Variants in PCDHGB5 observed in about 807,000 individuals in gnomAD.
PCDHGB5 encodes the protein protocadherin gamma-B5.
In PCDHGB5, 48 loss-of-function variants were observed where a neutral mutation model predicts 62.9. That is an observed-to-expected ratio of 0.76 (90% confidence interval 0.61 to 0.97). PCDHGB5 has a LOEUF of 0.97. Among genes scored for constraint, PCDHGB5 ranks in the 50% least tolerant of loss-of-function variants. The pLI, the probability that PCDHGB5 is intolerant of heterozygous loss-of-function variation, is 0.00. For missense variants in PCDHGB5, 1,118 were observed against 1,198.6 expected, an observed-to-expected ratio of 0.93 and a Z score of 0.99; for synonymous variants, 474 against 511.2, an observed-to-expected ratio of 0.93 and a Z score of 0.98.
chr5:141,414,371 A>G (rs1447111430), intron 1 of PCDHGB5: 1 of 1,613,954 alleles, frequency 6.2e-7, no homozygotes, highest in South Asian at 1.1e-5. Flanking sequence ...TTTAAATTAG[A>G]AAAGTCCATT....
intron 1 of PCDHGB5, among the ~76,000 whole-genome samples, chr5:141,425,471 T>A (rs2096877403): frequency 6.6e-6 from 1 of 152,218 alleles, no homozygotes; most frequent in African/African-American, 2.4e-5. Flanking sequence ...TGTTATTAAT[T>A]CCTATGGCAA....
At chr5:141,508,732 C>A (rs1037039751) in intron 3 of PCDHGB5, among the ~76,000 whole-genome samples, 3 of 151,880 alleles carry the variant, frequency 2.0e-5, no homozygotes, top group Non-Finnish European at 4.4e-5. Flanking sequence ...GGAGACTACA[C>A]CCCCCACCCC....
At chr5:141,414,414 C>T (rs376404716) in intron 1 of PCDHGB5, 4 of 1,613,830 alleles carry the variant, frequency 2.5e-6, no homozygotes, top group South Asian at 1.1e-5. Context: ...TACACAGAGC[C>T]CTTGACAGGG....
chr5:141,398,747 AC>A lies in PCDHGB5; in HGVS notation c.622del (p.His208IlefsTer3). On this transcript the variant is annotated frameshift_variant, in exon 1 of 4. Transcript: ENST00000617380. LOFTEE classifies it high-confidence loss of function. ...EKTLDREQQS[Y>X]HRLVLTALDG... ...ACCTTAGACCGGGAACAACAGAGTT[AC>A]CATCGTTTAGTCCTGACTGCCTTGG... 6.2e-7 allele frequency: 1 copy of A among 1,613,496 alleles called. No individual in the cohort carries two copies. Among genetic ancestry groups the A allele is most frequent in the Middle Eastern group, 1.6e-4 (1 of 6,062 alleles).
chr5:141,433,236 C>G, intron 1 of PCDHGB5: 2 of 1,501,160 alleles, frequency 1.3e-6, no homozygotes, highest in South Asian at 1.3e-5. Flanking sequence ...CTCTGTCTCC[C>G]AAGCTGGAAT....
intron 1 of PCDHGB5, chr5:141,428,402 G>T (rs899477196): frequency 1.7e-5 from 8 of 479,776 alleles, no homozygotes; most frequent in African/African-American, 1.4e-4. Flanking sequence ...TCTGCCTGGG[G>T]TTGCTTTCAC....
chr5:141,413,180 C>CCGCTCAAAGGAAT (rs760676891), intron 1 of PCDHGB5: 75 of 1,602,494 alleles, frequency 4.7e-5, no homozygotes, highest in Non-Finnish European at 6.1e-5. Flanking sequence ...ACTACAATGG[C>CCGCTCAAAGGAAT]CGCTCAAAGG....
chr5:141,428,288 A>G (rs1413902705), intron 1 of PCDHGB5: 1 of 728,846 alleles, frequency 1.4e-6, no homozygotes, highest in Middle Eastern at 2.3e-4. Flanking sequence ...TCCCAAGCAA[A>G]GCTGCAGATT....
chr5:141,431,320 C>T lies in PCDHGB5; in HGVS notation c.2397+30796C>T. On this transcript the variant is annotated intron_variant, in intron 1 of 3. Coordinates refer to ENST00000617380, the MANE Select transcript of PCDHGB5 (RefSeq NM_018925.3). The surrounding 1 kb of genome is among the most constrained non-coding windows in gnomAD (Gnocchi z 4.8). ...CCCTCATCGTGCAAAATGGAGCCGA[C>T]GGTAGTAAGTACCCCGAATTGGTGC... is the stretch of plus-strand genomic sequence containing the variant. 1 of 1,614,102 alleles carries T rather than the reference C, an allele frequency of 6.2e-7. No homozygotes were observed. Among genetic ancestry groups the T allele is most frequent in the Non-Finnish European group, 8.5e-7 (1 of 1,180,038 alleles).
At position 141,414,543 on chromosome 5, in the gene PCDHGB5, C is replaced by T. The variant is rs369387885; in HGVS notation, c.2397+14019C>T. The T allele has an allele frequency of 5.0e-6, 8 of 1,613,880 alleles. No individual in the cohort carries two copies. The African/African-American group carries it at 1.1e-4, about 22-fold the overall frequency. ...ATATCAATGACAACCCACCTACCTT[C>T]TCTCAAGTCTCCTACTTTACCTATA... On this transcript the variant is annotated intron_variant, in intron 1 of 3. Transcript: ENST00000617380.
intron 1 of PCDHGB5, among the ~76,000 whole-genome samples, chr5:141,435,308 A>G (rs2097757210): frequency 6.6e-6 from 1 of 152,186 alleles, no homozygotes; most frequent in African/African-American, 2.4e-5. Flanking sequence ...GTTTTAAATC[A>G]TTCATGAACT....
chr5:141,427,046 C>A (rs916723344), intron 1 of PCDHGB5: 6 of 457,244 alleles, frequency 1.3e-5, no homozygotes, highest in African/African-American at 2.0e-5. Flanking sequence ...AGAATGTGCC[C>A]CCAGGCACCT....
intron 1 of PCDHGB5, among the ~76,000 whole-genome samples, chr5:141,442,945 C>G (rs1000311671): frequency 1.8e-4 from 28 of 152,150 alleles, no homozygotes; most frequent in African/African-American, 6.3e-4. Context: ...GAAACTTCCT[C>G]TCACTGCAAA....
chr5:141,422,030 C>G, intron 1 of PCDHGB5: 1 of 1,609,592 alleles, frequency 6.2e-7, no homozygotes, highest in African/African-American at 1.3e-5. Flanking sequence ...GTTAATGCAA[C>G]GGATCCAGAC....
chr5:141,497,240 GA>G (rs1221446648), intron 2 of PCDHGB5, among the ~76,000 whole-genome samples: 125 of 152,188 alleles, frequency 8.2e-4, no homozygotes, highest in African/African-American at 3.0e-3. Flanking sequence ...AGGCTTCTAG[GA>G]GGAGGTGACA....
rs200160561 is a variant in PCDHGB5, at chr5:141,400,089, C to T, written c.1962C>T (p.Ala654=). ...GACAGCCGCCACTCTCCGCCACCGCCACGCTGCACTTGGTCTTTGCTGACA... is the reference window on the plus strand; with the variant it reads ...GACAGCCGCCACTCTCCGCCACCGCTACGCTGCACTTGGTCTTTGCTGACA... ...DGGQPPLSAT[A]TLHLVFADSL... Residue 654 remains alanine, a synonymous_variant, in exon 1 of 4, where the codon GCC becomes GCT. Transcript: ENST00000617380. 3.5e-4 allele frequency: 568 copies of T among 1,613,960 alleles called. No individual in the cohort carries two copies. Among genetic ancestry groups the T allele is most frequent in the Non-Finnish European group, 4.6e-4 (540 of 1,179,912 alleles).
chr5:141,435,027 AC>A (rs1485237615), intron 1 of PCDHGB5, among the ~76,000 whole-genome samples: 1 of 151,978 alleles, frequency 6.6e-6, no homozygotes, highest in Non-Finnish European at 1.5e-5. Flanking sequence ...CTCTTTTCCC[AC>A]TTTTATTTTT....
At chr5:141,462,523 G>GTGTT (rs2099041548) in intron 1 of PCDHGB5, among the ~76,000 whole-genome samples, 1 of 152,024 alleles carries the variant, frequency 6.6e-6, no homozygotes, top group African/African-American at 2.4e-5. Context: ...GTTAGTAAGA[G>GTGTT]TGTTGTTCAG....
chr5:141,423,516 C>T (rs2096749721), intron 1 of PCDHGB5: 1 of 1,613,732 alleles, frequency 6.2e-7, no homozygotes, highest in Non-Finnish European at 8.5e-7. Flanking sequence ...TCATTGCGGA[C>T]TCGCAGAAGA....
Sources: allele counts gnomAD v4.1 joint callset (sites outside exome capture counted in the v4.1 genomes callset), GRCh38; gene constraint gnomAD v4.1.1; non-coding constraint Gnocchi (gnomAD v3.1); transcripts MANE v1.5; gene names NCBI Gene and HGNC (gene_info 2026-07-23, HGNC 2026-07-21).